FOXP4: variants seen among roughly 807,000 people sequenced by gnomAD.
FOXP4 encodes forkhead box protein P4.
A neutral mutation model predicts 82.6 loss-of-function variants in FOXP4; 25 were observed. The observed-to-expected ratio is 0.30, with a 90% CI of 0.22 to 0.42. The LOEUF (loss-of-function observed/expected upper bound fraction) is 0.42. Among genes scored for constraint, FOXP4 ranks in the 10% least tolerant of loss-of-function variants. FOXP4 has a pLI of 1.00. For synonymous variants in FOXP4, 415 were observed against 388.2 expected, an observed-to-expected ratio of 1.07 and a Z score of -0.81; for missense variants, 785 against 900.9, an observed-to-expected ratio of 0.87 and a Z score of 1.65.
chr6:41,567,087 A>G (rs994151253), intron 2 of FOXP4, among the ~76,000 whole-genome samples: 6 of 152,230 alleles, frequency 3.9e-5, no homozygotes, highest in African/African-American at 1.4e-4. Flanking sequence ...ACTCCCCTGC[A>G]CAGAGCTGGT....
chr6:41,555,989 G>A (rs1764253926), intron 1 of FOXP4, among the ~76,000 whole-genome samples: 2 of 152,038 alleles, frequency 1.3e-5, no homozygotes, highest in Admixed American at 1.3e-4. Flanking sequence ...TGTGTAGTAG[G>A]AAGGGGTATT....
In FOXP4 at chr6:41,564,343, C is replaced by T. The variant is rs538960346; in HGVS notation, c.-16-1402C>T. ...CTGAGACAGGATAATTGCTTGAACC[C>T]GGGAGACGGAGGTTGCAGGGAGCCG... On this transcript the variant is annotated intron_variant, in intron 1 of 16. Transcript: ENST00000307972. Among the ~76,000 whole-genome samples the T allele has an allele frequency of 3.9e-5, 6 of 152,238 alleles. No homozygotes were observed. In the East Asian group the frequency reaches 7.7e-4, roughly 20 times the overall value.
chr6:41,591,471 A>C lies in FOXP4; in HGVS notation c.1536+149A>C. 1.5e-6 allele frequency: 1 copy of C among 678,364 alleles called. No individual in the cohort carries two copies. Among genetic ancestry groups the C allele is most frequent in the East Asian group, 2.7e-5 (1 of 36,800 alleles). The allele number at this position is 678,364 out of a possible 1,614,324, so 42.0% of individuals were successfully genotyped here. On this transcript the variant is annotated intron_variant, in intron 13 of 16. Coordinates refer to ENST00000307972, the MANE Select transcript of FOXP4 (RefSeq NM_001012426.2). This position sits in a 1 kb window ranked among gnomAD's most constrained non-coding sequence, Gnocchi z 4.2. Reference sequence around the variant, plus strand: ...AGGGCCCAGCCAGGGCTGCATGCCCACGCCCACCTCAGCAGGGGCTGTGGA... The same window carrying C: ...AGGGCCCAGCCAGGGCTGCATGCCCCCGCCCACCTCAGCAGGGGCTGTGGA...
chr6:41,600,727 C>T lies in FOXP4; in HGVS notation c.*1791C>T, dbSNP rs374778323. ...CAGAGCAGCAGCAACGTGAGGGTCG[C>T]TGTGGTGGTGGTTTCTGTGAGTGGA... On this transcript the variant is annotated 3_prime_UTR_variant, in exon 17 of 17. Transcript: ENST00000307972. The T allele has an allele frequency of 6.6e-6, 1 of 152,344 alleles. No individual in the cohort carries two copies. The highest frequency in any genetic ancestry group is 2.4e-5 in the African/African-American group (1 of 41,454). The allele number at this position is 152,344 out of a possible 1,614,324, so 9.4% of individuals were successfully genotyped here.
intron 2 of FOXP4, among the ~76,000 whole-genome samples, chr6:41,567,252 G>A (rs755545690): frequency 6.6e-6 from 1 of 152,246 alleles, no homozygotes; most frequent in Non-Finnish European, 1.5e-5. Flanking sequence ...TGCAATTTGG[G>A]TGTGCAACAC....
intron 1 of FOXP4, among the ~76,000 whole-genome samples, chr6:41,556,217 T>TGGCATC (rs1764267002): frequency 6.6e-6 from 1 of 152,046 alleles, no homozygotes; most frequent in Admixed American, 6.5e-5. Context: ...GTCAAGTCTT[T>TGGCATC]GGCATCTTTG....
At chr6:41,557,727 G>A (rs1028487897) in intron 1 of FOXP4, among the ~76,000 whole-genome samples, 2 of 152,154 alleles carry the variant, frequency 1.3e-5, no homozygotes, top group Non-Finnish European at 2.9e-5. Flanking sequence ...TGACCAGAAA[G>A]GCTATATATC....
At chr6:41,579,124 T>C (rs1303083902) in intron 3 of FOXP4, among the ~76,000 whole-genome samples, 3 of 151,994 alleles carry the variant, frequency 2.0e-5, no homozygotes, top group Non-Finnish European at 4.4e-5. Flanking sequence ...AAAACAAGTT[T>C]ATGTTTGGAA....
chr6:41,566,082 T>C (rs1581724715), intron 2 of FOXP4, 118 bp downstream of exon 2: 2 of 1,145,234 alleles, frequency 1.7e-6, no homozygotes. Context: ...TTTACCATTC[T>C]TAAGACAGTC....
At chr6:41,587,564 C>T in intron 7 of FOXP4, 52 bp downstream of exon 7, 1 of 1,421,904 alleles carries the variant, frequency 7.0e-7, no homozygotes, top group South Asian at 1.4e-5. Flanking sequence ...GGGGGTAGAC[C>T]TGGCCCCCCA....
rs990279351 is a variant in FOXP4, at chr6:41,595,031, G to C, written c.1658+40G>C. 1.9e-6 allele frequency: 3 copies of C among 1,612,072 alleles called. No individual in the cohort carries two copies. In the Admixed American group the frequency reaches 5.0e-5, roughly 27 times the overall value. ...AGCTGGATGGGCTGTACCTGCCCAG[G>C]GGGCAGGAGCCAACTCACCCCCACC... On this transcript the variant is annotated intron_variant, in intron 14 of 16. Transcript: ENST00000307972.
At chr6:41,547,199 G>GGGC (rs1280832453) in intron 1 of FOXP4, among the ~76,000 whole-genome samples, 3 of 151,918 alleles carry the variant, frequency 2.0e-5, no homozygotes, top group Non-Finnish European at 4.4e-5. Flanking sequence ...GCGGGGAGGG[G>GGGC]GGCGGCCGGA....
chr6:41,593,730 G>A lies in FOXP4; in HGVS notation c.1537-1140G>A, dbSNP rs181164043. On this transcript the variant is annotated intron_variant, in intron 13 of 16. Coordinates refer to ENST00000307972, the MANE Select transcript of FOXP4 (RefSeq NM_001012426.2). The surrounding 1 kb of genome is among the most constrained non-coding windows in gnomAD (Gnocchi z 4.1). Reference sequence around the variant, plus strand: ...CCGCCTCCCTCGTGGATTAGCAAGCGAGTCGGAAAAATACACAGGATTTAA... The same window carrying A: ...CCGCCTCCCTCGTGGATTAGCAAGCAAGTCGGAAAAATACACAGGATTTAA... Among the ~76,000 whole-genome samples the A allele has an allele frequency of 2.8e-4, 42 of 152,246 alleles. No homozygotes were observed. Among genetic ancestry groups the A allele is most frequent in the Non-Finnish European group, 4.9e-4 (33 of 68,026 alleles).
At chr6:41,597,649 G>A in intron 15 of FOXP4, 132 bp from the exon 16 acceptor site, 1 of 1,197,662 alleles carries the variant, frequency 8.3e-7, no homozygotes, top group Non-Finnish European at 1.2e-6. Context: ...GGGTTGCCCA[G>A]ACAGATCCGC....
chr6:41,590,176 G>C lies in FOXP4; in HGVS notation c.1357+6G>C, dbSNP rs1360043948. On this transcript the variant is annotated splice_donor_region_variant and intron_variant, in intron 11 of 16. Coordinates refer to ENST00000307972, the MANE Select transcript of FOXP4 (RefSeq NM_001012426.2). ...CTGCTCCCCCATCTCCTCAGGTGAGGGTGGGCTGGGGGCTGCAGGGCGACA... is the reference window on the plus strand; with the variant it reads ...CTGCTCCCCCATCTCCTCAGGTGAGCGTGGGCTGGGGGCTGCAGGGCGACA... The C allele has an allele frequency of 1.9e-6, 3 of 1,604,844 alleles. No individual in the cohort carries two copies. Among genetic ancestry groups the C allele is most frequent in the Non-Finnish European group, 2.6e-6 (3 of 1,173,586 alleles).
rs755335953 is a variant in FOXP4, at chr6:41,589,999, G to A, written c.1186G>A (p.Val396Met). The change falls in exon 11 of 17, where the codon GTG (valine) becomes ATG (methionine). Residue 396 changes from valine (V) to methionine (M), a missense_variant. This residue lies in a region of FOXP4 where 570 missense variants were observed against 634.0 expected (regional missense o/e 0.90). Transcript: ENST00000307972. ...CCCCGGCTCCTCCTCATTCTCCAAG[G>A]TGACCGTCTCTGCAGCAGACTCATT... ...PVPGSSSFSK[V>M]TVSAADSFPD... The A allele has an allele frequency of 8.1e-6, 13 of 1,613,906 alleles. 2 individuals are homozygous for A. In the South Asian group the frequency reaches 1.4e-4, roughly 18 times the overall value.
intron 3 of FOXP4, among the ~76,000 whole-genome samples, chr6:41,578,689 G>C (rs1288428055): frequency 1.4e-5 from 2 of 143,650 alleles, no homozygotes; most frequent in African/African-American, 2.5e-5. Flanking sequence ...CTGGCTGGCT[G>C]GGGGAGGGGA....
intron 3 of FOXP4, 64 bp from the exon 4 acceptor site, chr6:41,584,705 C>T: frequency 2.0e-6 from 3 of 1,506,038 alleles, no homozygotes; most frequent in South Asian, 2.5e-5. Flanking sequence ...AGAGTGGGGC[C>T]CTGGGTGGTG....
rs768975228 is a variant in FOXP4 at position 41,587,130 on chromosome 6, C to T, written c.632C>T (p.Ser211Leu). ...GLVSLQPNQA[S>L]GPLQTLPQAA... ...GTCAGCCTGCAGCCCAACCAAGCCT[C>T]GGGGCCCCTCCAGACCCTTCCGCAA... The change falls in exon 6 of 17, where the codon TCG (serine) becomes TTG (leucine). Residue 211 changes from serine to leucine, a missense_variant. Coordinates refer to ENST00000307972, the MANE Select transcript of FOXP4 (RefSeq NM_001012426.2). The T allele has an allele frequency of 8.1e-6, 13 of 1,607,022 alleles. No homozygotes were observed. The highest frequency in any genetic ancestry group is 2.7e-5 in the African/African-American group (2 of 74,968).
Sources: allele counts gnomAD v4.1 joint callset (sites outside exome capture counted in the v4.1 genomes callset), GRCh38; gene constraint gnomAD v4.1.1; regional missense constraint gnomAD v4.1.1; non-coding constraint Gnocchi (gnomAD v3.1); transcripts MANE v1.5; gene names NCBI Gene and HGNC (gene_info 2026-07-23, HGNC 2026-07-21).